Variants in TAB2 observed in about 807,000 individuals in gnomAD.
TAB2 encodes the protein TGF-beta activated kinase 1 (MAP3K7) binding protein 2.
TAB2 carries 3 observed loss-of-function variants against 65.0 expected under a neutral mutation model. That is an observed-to-expected ratio of 0.05 (90% CI 0.02 to 0.12). TAB2 has a LOEUF of 0.12. Ranked by LOEUF, TAB2 falls within the 10% of genes least tolerant of loss-of-function variation. The pLI, the probability that TAB2 is intolerant of heterozygous loss-of-function variation, is 1.00. For missense variants in TAB2, 623 were observed against 840.3 expected (o/e 0.74, Z 3.20); for synonymous variants, 298 against 285.1 (o/e 1.05, Z -0.46).
rs1583133393 is a variant in TAB2 at position 149,371,659 on chromosome 6, GA to G, written c.102+1561del. Among the ~76,000 whole-genome samples, 3 of 152,230 alleles carry G rather than the reference GA, an allele frequency of 2.0e-5. No homozygotes were observed. The East Asian group carries it at 5.8e-4, about 29-fold the overall frequency. Reference sequence around the variant, plus strand: ...GTGGGAATAAAAAAAACTACACAGAGAGTTAAATTTGACAATGTAGATAAAA... The same window carrying G: ...GTGGGAATAAAAAAAACTACACAGAGGTTAAATTTGACAATGTAGATAAAA... On this transcript the variant is annotated intron_variant, in intron 2 of 6. Coordinates refer to ENST00000637181, the MANE Select transcript of TAB2 (RefSeq NM_001292034.3).
intron 1 of TAB2, among the ~76,000 whole-genome samples, chr6:149,295,763 T>A (rs753745683): frequency 6.6e-6 from 1 of 152,008 alleles, no homozygotes; most frequent in Non-Finnish European, 1.5e-5. Context: ...TCTTTGTGCC[T>A]GGTTATCTTT....
intron 1 of TAB2, among the ~76,000 whole-genome samples, chr6:149,279,176 A>G (rs1240932453): frequency 6.6e-6 from 1 of 152,162 alleles, no homozygotes; most frequent in Non-Finnish European, 1.5e-5. Context: ...GCCAAACCTT[A>G]CTGGAGAGTT....
chr6:149,328,821 A>T (rs1779695297), intron 1 of TAB2, among the ~76,000 whole-genome samples: 1 of 152,146 alleles, frequency 6.6e-6, no homozygotes, highest in Non-Finnish European at 1.5e-5. Context: ...ATGGATAAGG[A>T]TTAGGCAGTA....
At chr6:149,384,239 G>A (rs1781713827) in intron 3 of TAB2, among the ~76,000 whole-genome samples, 1 of 152,130 alleles carries the variant, frequency 6.6e-6, no homozygotes, top group African/African-American at 2.4e-5. Context: ...CATAAATTTG[G>A]TAACCAAAAT....
At chr6:149,353,131 G>A (rs1780545417) in intron 1 of TAB2, among the ~76,000 whole-genome samples, 1 of 152,074 alleles carries the variant, frequency 6.6e-6, no homozygotes, top group South Asian at 2.1e-4. Context: ...TTGAGTAACA[G>A]AGATGCATGT....
chr6:149,398,836 C>A (rs1415871926), intron 5 of TAB2, among the ~76,000 whole-genome samples: 3 of 152,082 alleles, frequency 2.0e-5, no homozygotes, highest in Admixed American at 2.0e-4. Context: ...CAGGGATCTA[C>A]TTCTACTTCT....
At chr6:149,382,924 C>T (rs1204429804) in intron 3 of TAB2, among the ~76,000 whole-genome samples, 2 of 151,922 alleles carry the variant, frequency 1.3e-5, no homozygotes, top group African/African-American at 4.8e-5. Flanking sequence ...AAGACCGAGG[C>T]GGGTGGATCA....
At chr6:149,225,929 A>C (rs1777264366) in intron 1 of TAB2, among the ~76,000 whole-genome samples, 1 of 151,988 alleles carries the variant, frequency 6.6e-6, no homozygotes, top group African/African-American at 2.4e-5. Context: ...TTCAAGCAGA[A>C]TAAGCAAGGG....
At chr6:149,282,931 G>A (rs977194363) in intron 1 of TAB2, among the ~76,000 whole-genome samples, 12 of 152,216 alleles carry the variant, frequency 7.9e-5, no homozygotes, top group African/African-American at 2.6e-4. Context: ...TAACTGCTGG[G>A]TCAAAATATA....
At chr6:149,364,209 C>A (rs550796315) in intron 1 of TAB2, among the ~76,000 whole-genome samples, 38 of 152,300 alleles carry the variant, frequency 2.5e-4, no homozygotes, top group Middle Eastern at 3.4e-3. Flanking sequence ...TTTATACACA[C>A]ATGATTTCTT....
At chr6:149,219,306 TTGTGTGTGTGTGTGTGTGTG>T (rs3064238) in intron 1 of TAB2, among the ~76,000 whole-genome samples, 1 of 146,112 alleles carries the variant, frequency 6.8e-6, no homozygotes, top group Non-Finnish European at 1.5e-5. Context: ...ATTTTAACAT[TTGTGTGTGTGTGTGTGTGTG>T]TGTGTGTGTG....
chr6:149,376,896 C>G (rs1046542998), intron 2 of TAB2, among the ~76,000 whole-genome samples: 2 of 150,192 alleles, frequency 1.3e-5, no homozygotes, highest in Admixed American at 1.3e-4. Flanking sequence ...TCCCCCCCCC[C>G]ACTCTGGAGT....
At position 149,366,703 on chromosome 6, in the gene TAB2, A is replaced by G. The variant is rs190898524; in HGVS notation, c.-89-3206A>G. On this transcript the variant is annotated intron_variant, in intron 1 of 6. Transcript: ENST00000637181. ...TACTGTTTATAGTTGTTATTCATGA[A>G]AGATTTGGTCTGGTAGGCGTTACTC... Among the ~76,000 whole-genome samples the G allele has an allele frequency of 6.6e-5, 10 of 152,282 alleles. No individual in the cohort carries two copies. The East Asian group carries it at 1.9e-3, about 29-fold the overall frequency.
intron 1 of TAB2, among the ~76,000 whole-genome samples, chr6:149,338,279 T>C (rs1779994093): frequency 6.6e-6 from 1 of 152,196 alleles, no homozygotes; most frequent in Non-Finnish European, 1.5e-5. Context: ...CAAATGAGTT[T>C]CCATATGAAG....
intron 1 of TAB2, among the ~76,000 whole-genome samples, chr6:149,368,196 T>C (rs9498333): frequency 0.24 from 35,865 of 151,826 alleles, 4,422 homozygotes; most frequent in Non-Finnish European, 0.26. Context: ...CAGAAGAGTA[T>C]AAACCTCAGA....
At chr6:149,317,233 T>TGGGGGGCCCAGGCGGAGAAA (rs1554258309), upstream of TAB2, among the ~76,000 whole-genome samples, 201 of 151,998 alleles carry the variant, frequency 1.3e-3, 1 homozygote, top group Non-Finnish European at 1.9e-3. This position sits in a 1 kb window ranked among gnomAD's most constrained non-coding sequence, Gnocchi z 4.7. Flanking sequence ...CCCCCAAGGA[T>TGGGGGGCCCAGGCGGAGAAA]GGGGGGCCCA....
intron 1 of TAB2, among the ~76,000 whole-genome samples, chr6:149,296,653 G>C (rs373105616): frequency 6.6e-6 from 1 of 152,160 alleles, no homozygotes; most frequent in Non-Finnish European, 1.5e-5. Flanking sequence ...TAAAGAAAAT[G>C]GGTGTTAGTT....
chr6:149,329,431 A>G (rs1015592757), intron 1 of TAB2, among the ~76,000 whole-genome samples: 1 of 152,152 alleles, frequency 6.6e-6, no homozygotes, highest in Non-Finnish European at 1.5e-5. Context: ...AGAACAGACC[A>G]GGGTTGCAAC....
intron 1 of TAB2, among the ~76,000 whole-genome samples, chr6:149,305,667 C>A (rs1300799071): frequency 6.6e-6 from 1 of 151,500 alleles, no homozygotes; most frequent in African/African-American, 2.4e-5. Context: ...ATAGACAAAG[C>A]AGTTATTCAT....
Sources: allele counts gnomAD v4.1 joint callset (sites outside exome capture counted in the v4.1 genomes callset), GRCh38; gene constraint gnomAD v4.1.1; non-coding constraint Gnocchi (gnomAD v3.1); transcripts MANE v1.5; gene names NCBI Gene and HGNC (gene_info 2026-07-23, HGNC 2026-07-21).